Variants in CCSER1 observed in about 807,000 individuals in gnomAD.
CCSER1 encodes serine-rich coiled-coil domain-containing protein 1.
CCSER1 carries 41 observed loss-of-function variants against 82.0 expected under a neutral mutation model. That is an observed-to-expected ratio of 0.50 (90% CI 0.39 to 0.65). The LOEUF is 0.65. CCSER1 is among the 30% of genes least tolerant of loss of function. The probability of loss-of-function intolerance (pLI) is 0.00; values close to 1 mark genes in which losing one functional copy is unlikely to be tolerated. For synonymous variants in CCSER1, 414 were observed against 383.9 expected, an observed-to-expected ratio of 1.08 and a Z score of -0.92; for missense variants, 1,119 against 1,064.2, an observed-to-expected ratio of 1.05 and a Z score of -0.72.
chr4:90,691,779 C>T (rs2149236708), intron 6 of CCSER1, among the ~76,000 whole-genome samples: 1 of 151,674 alleles, frequency 6.6e-6, no homozygotes, highest in South Asian at 2.1e-4. Flanking sequence ...AGGGGTTTGG[C>T]ATACGGATTA....
At chr4:90,345,294 C>T (rs1313163225) in intron 3 of CCSER1, among the ~76,000 whole-genome samples, 1 of 152,044 alleles carries the variant, frequency 6.6e-6, no homozygotes, top group Admixed American at 6.6e-5. Context: ...ATTGAGTTGT[C>T]TCCCAAACAG....
intron 1 of CCSER1, among the ~76,000 whole-genome samples, chr4:90,188,899 A>C (rs114761179): frequency 0.015 from 2,312 of 152,116 alleles, 64 homozygotes; most frequent in African/African-American, 0.052. Flanking sequence ...GAATAGAAAA[A>C]AATCTGATGA....
intron 10 of CCSER1, among the ~76,000 whole-genome samples, chr4:91,579,905 GA>G (rs1763649014): frequency 6.6e-6 from 1 of 151,794 alleles, no homozygotes; most frequent in Non-Finnish European, 1.5e-5. Flanking sequence ...CTATGTTCCT[GA>G]AAAGTCCTCA....
intron 10 of CCSER1, among the ~76,000 whole-genome samples, chr4:91,267,309 CTCTG>C (rs1250824111): frequency 6.6e-6 from 1 of 151,960 alleles, no homozygotes; most frequent in Non-Finnish European, 1.5e-5. Context: ...GGGTTCTTTT[CTCTG>C]TCCTTTTTCT....
chr4:90,761,155 C>T lies in CCSER1; in HGVS notation c.2010+37164C>T, dbSNP rs62313015. On this transcript the variant is annotated intron_variant, in intron 7 of 10. Transcript: ENST00000509176. ...CTGAATAAACGGTAGATGATGCTGT[C>T]GTTACTAACTATGGTTTGATTCTCT... Among the ~76,000 whole-genome samples the T allele has an allele frequency of 1.6e-4, 24 of 152,106 alleles. No individual in the cohort carries two copies. The East Asian group carries it at 4.3e-3, about 27-fold the overall frequency.
At chr4:91,384,357 AAC>A (rs1751131970) in intron 10 of CCSER1, among the ~76,000 whole-genome samples, 1 of 152,046 alleles carries the variant, frequency 6.6e-6, no homozygotes, top group Admixed American at 6.6e-5. Context: ...TATTTAAAGA[AAC>A]ACACTGATAA....
intron 8 of CCSER1, among the ~76,000 whole-genome samples, chr4:90,902,273 A>T (rs942453858): frequency 6.6e-6 from 1 of 151,494 alleles, no homozygotes; most frequent in Admixed American, 6.6e-5. Flanking sequence ...ACATATTTTG[A>T]ATTATTCATA....
At chr4:91,081,989 C>G (rs1370290514) in intron 9 of CCSER1, among the ~76,000 whole-genome samples, 2 of 152,118 alleles carry the variant, frequency 1.3e-5, no homozygotes, top group Admixed American at 1.3e-4. Flanking sequence ...CCATACTGCC[C>G]AAGGTAATTT....
intron 3 of CCSER1, among the ~76,000 whole-genome samples, chr4:90,352,321 C>G (rs928073048): frequency 2.0e-5 from 3 of 151,652 alleles, no homozygotes; most frequent in Admixed American, 1.3e-4. Context: ...GAGACTCTGT[C>G]TCAAAAAAAT....
intron 5 of CCSER1, among the ~76,000 whole-genome samples, chr4:90,502,870 A>AT (rs957448862): frequency 7.9e-5 from 12 of 151,282 alleles, no homozygotes; most frequent in East Asian, 3.9e-4. Context: ...CTTTTAAGCC[A>AT]TTTTTTTTTC....
At chr4:90,503,627 T>G (rs1201505870) in intron 5 of CCSER1, among the ~76,000 whole-genome samples, 1 of 152,110 alleles carries the variant, frequency 6.6e-6, no homozygotes, top group Non-Finnish European at 1.5e-5. Flanking sequence ...GTGTTCTCAT[T>G]GTTCAATTCC....
chr4:91,142,264 G>C (rs774890227), intron 10 of CCSER1, among the ~76,000 whole-genome samples: 8 of 152,112 alleles, frequency 5.3e-5, no homozygotes, highest in Non-Finnish European at 7.4e-5. Context: ...GCTCTCTCTT[G>C]CCTGCCACCA....
chr4:91,496,603 A>AAT lies in CCSER1; in HGVS notation c.2218-101959_2218-101958dup, dbSNP rs1162166306. Among the ~76,000 whole-genome samples the AAT allele has an allele frequency of 1.4e-4, 2 of 13,950 alleles. 1 individual carries two copies. Among genetic ancestry groups the AAT allele is most frequent in the Non-Finnish European group, 4.7e-4 (2 of 4,220 alleles). The allele number at this position is 13,950 out of a possible 152,430, so 9.2% of individuals were successfully genotyped here. A position where few individuals can be genotyped will look rare whatever the true frequency, so the allele number is the denominator to read the frequency against. Reference sequence around the variant, plus strand: ...ATATATATACACGAATATATATTTGAATATATATATACACGAATATATATT... The same window carrying AAT: ...ATATATATACACGAATATATATTTGAATATATATATATACACGAATATATATT... On this transcript the variant is annotated intron_variant, in intron 10 of 10. Transcript: ENST00000509176.
At chr4:90,468,466 A>T in intron 5 of CCSER1, 112 bp downstream of exon 5, 1 of 929,978 alleles carries the variant, frequency 1.1e-6, no homozygotes, top group African/African-American at 1.7e-5. Flanking sequence ...GAAGAAATAA[A>T]TTTTATGGGT....
At chr4:90,620,009 T>G (rs1277236396) in intron 5 of CCSER1, among the ~76,000 whole-genome samples, 1 of 152,078 alleles carries the variant, frequency 6.6e-6, no homozygotes, top group Non-Finnish European at 1.5e-5. Context: ...AAGCCAGAAC[T>G]TGCGGAGTTT....
At chr4:90,781,542 G>A in intron 7 of CCSER1, 1 of 980,052 alleles carries the variant, frequency 1.0e-6, no homozygotes, top group Non-Finnish European at 1.2e-6. Flanking sequence ...ACTTTTTTTT[G>A]ATAAAATATG....
chr4:91,261,311 T>C (rs1741114312), intron 10 of CCSER1, among the ~76,000 whole-genome samples: 1 of 152,244 alleles, frequency 6.6e-6, no homozygotes, highest in South Asian at 2.1e-4. Flanking sequence ...TAGCTTTGAC[T>C]GTCGATCAAG....
intron 9 of CCSER1, among the ~76,000 whole-genome samples, chr4:90,976,648 A>G (rs1735639235): frequency 6.6e-6 from 1 of 151,546 alleles, no homozygotes; most frequent in Admixed American, 6.6e-5. Context: ...AATCCACAGG[A>G]TCAACAATAA....
chr4:90,724,121 A>G (rs1382342831), intron 7 of CCSER1, 130 bp downstream of exon 7: 1 of 546,242 alleles, frequency 1.8e-6, no homozygotes, highest in East Asian at 3.1e-5. Flanking sequence ...AAATCTTAAA[A>G]TCGTTTTTTT....
Sources: allele counts gnomAD v4.1 joint callset (sites outside exome capture counted in the v4.1 genomes callset), GRCh38; gene constraint gnomAD v4.1.1; transcripts MANE v1.5; gene names NCBI Gene and HGNC (gene_info 2026-07-23, HGNC 2026-07-21).